SLC35F3: variants seen among roughly 807,000 people sequenced by gnomAD.
SLC35F3 encodes the protein solute carrier family 35 member F3.
SLC35F3 carries 25 observed loss-of-function variants against 49.9 expected under a neutral mutation model. The ratio of observed to expected loss-of-function variants is 0.50; its 90% CI spans 0.37 to 0.70. The LOEUF (loss-of-function observed/expected upper bound fraction) is 0.70, where lower values mean the gene tolerates loss of function less well. SLC35F3 is among the 30% of genes least tolerant of loss of function. SLC35F3 has a pLI of 0.00. For missense variants in SLC35F3, 525 were observed against 639.8 expected (o/e 0.82, Z 1.94); for synonymous variants, 275 against 265.4 (o/e 1.04, Z -0.35).
rs1657659010 is a variant in SLC35F3, at chr1:234,322,859, G to A, written c.1238-149G>A. 8 of 676,322 alleles carry A rather than the reference G, an allele frequency of 1.2e-5. No individual in the cohort carries two copies. In the East Asian group the frequency reaches 2.2e-4, roughly 18 times the overall value. The allele number at this position is 676,322 out of a possible 1,614,324, so 41.9% of individuals were successfully genotyped here. ...TACTAGAGGTAACCCCAGCCCACCT[G>A]GAACAAAATCATACTGAGGAGAATC... On this transcript the variant is annotated intron_variant, in intron 7 of 7. Coordinates refer to ENST00000366618, the MANE Select transcript of SLC35F3 (RefSeq NM_173508.4).
intron 2 of SLC35F3, among the ~76,000 whole-genome samples, chr1:234,061,728 A>G (rs935893501): frequency 6.6e-6 from 1 of 152,074 alleles, no homozygotes; most frequent in Non-Finnish European, 1.5e-5. Context: ...CTGCCAGTTT[A>G]AATCCACTGT....
chr1:234,238,094 G>A (rs80061400), intron 3 of SLC35F3, among the ~76,000 whole-genome samples: 1 of 152,150 alleles, frequency 6.6e-6, no homozygotes, highest in Non-Finnish European at 1.5e-5. Flanking sequence ...GTTTGTTTGT[G>A]TGTTTATTTT....
intron 4 of SLC35F3, among the ~76,000 whole-genome samples, chr1:234,310,632 C>A (rs1433005579): frequency 6.6e-6 from 1 of 152,128 alleles, no homozygotes; most frequent in Non-Finnish European, 1.5e-5. Context: ...CCTGGGCCCC[C>A]CTGCCACCCA....
intron 2 of SLC35F3, among the ~76,000 whole-genome samples, chr1:234,054,012 C>CT (rs1664419460): frequency 6.6e-6 from 1 of 152,174 alleles, no homozygotes; most frequent in Admixed American, 6.5e-5. Flanking sequence ...GAGAGATTTG[C>CT]TGTTAGTCTG....
chr1:234,220,264 G>C (rs1048877523), intron 2 of SLC35F3, among the ~76,000 whole-genome samples: 9 of 152,132 alleles, frequency 5.9e-5, no homozygotes, highest in Non-Finnish European at 1.0e-4. Context: ...ATAAGAGACA[G>C]AGTGGATCCA....
intron 3 of SLC35F3, among the ~76,000 whole-genome samples, chr1:234,264,589 C>A (rs181440096): frequency 2.0e-5 from 3 of 152,290 alleles, no homozygotes. Context: ...CTCTGTTACC[C>A]ATGCTGGAGT....
chr1:234,123,083 C>G (rs987838247), intron 2 of SLC35F3, among the ~76,000 whole-genome samples: 2 of 152,210 alleles, frequency 1.3e-5, no homozygotes, highest in African/African-American at 4.8e-5. Context: ...GTACTCCCAC[C>G]AACAGTATAA....
At chr1:234,127,857 T>C (rs1301863660) in intron 2 of SLC35F3, among the ~76,000 whole-genome samples, 1 of 152,122 alleles carries the variant, frequency 6.6e-6, no homozygotes, top group African/African-American at 2.4e-5. Flanking sequence ...AGAGTCAAAG[T>C]AGTATTGTTT....
intron 2 of SLC35F3, among the ~76,000 whole-genome samples, chr1:234,139,985 A>AAAATG (rs1558240057): frequency 5.0e-5 from 7 of 140,334 alleles, no homozygotes; most frequent in African/African-American, 1.8e-4. Flanking sequence ...AAAATAAAAT[A>AAAATG]AAATAAAATA....
At chr1:234,140,668 G>A (rs1169010758) in intron 2 of SLC35F3, among the ~76,000 whole-genome samples, 1 of 152,230 alleles carries the variant, frequency 6.6e-6, no homozygotes, top group East Asian at 1.9e-4. Context: ...AACACTCAGG[G>A]GGATGCTCAT....
At chr1:234,266,422 AG>A (rs766814550) in intron 3 of SLC35F3, among the ~76,000 whole-genome samples, 5 of 152,252 alleles carry the variant, frequency 3.3e-5, no homozygotes, top group Non-Finnish European at 5.9e-5. Context: ...CAAAGCAGAC[AG>A]TATCAGGCGA....
At chr1:234,004,531 T>C (rs573863147) in intron 2 of SLC35F3, among the ~76,000 whole-genome samples, 36 of 152,192 alleles carry the variant, frequency 2.4e-4, no homozygotes, top group African/African-American at 8.4e-4. Context: ...ATTGGAAGTG[T>C]GGAACAAAAT....
At chr1:233,961,086 AG>A (rs1291302989) in intron 2 of SLC35F3, among the ~76,000 whole-genome samples, 1 of 152,126 alleles carries the variant, frequency 6.6e-6, no homozygotes, top group Non-Finnish European at 1.5e-5. Context: ...TTATGAGAGA[AG>A]GATGTTGGAT....
intron 3 of SLC35F3, among the ~76,000 whole-genome samples, chr1:234,267,320 T>TC (rs1417337355): frequency 1.5e-5 from 2 of 136,014 alleles, no homozygotes; most frequent in African/African-American, 2.9e-5. Flanking sequence ...CTCAATTTTT[T>TC]CCCCACCCTT....
At chr1:234,192,150 T>TA (rs528814454) in intron 2 of SLC35F3, among the ~76,000 whole-genome samples, 1 of 151,572 alleles carries the variant, frequency 6.6e-6, no homozygotes, top group Non-Finnish European at 1.5e-5. Flanking sequence ...AAGGACATAA[T>TA]AAAAAAAGAA....
chr1:233,914,521 G>T (rs140259960), intron 2 of SLC35F3, among the ~76,000 whole-genome samples: 1 of 152,316 alleles, frequency 6.6e-6, no homozygotes, highest in Admixed American at 6.5e-5. Context: ...GCAACTACAG[G>T]CTCCTTTCTG....
At chr1:233,980,982 G>C (rs1036264121) in intron 2 of SLC35F3, among the ~76,000 whole-genome samples, 2 of 152,066 alleles carry the variant, frequency 1.3e-5, no homozygotes, top group Non-Finnish European at 2.9e-5. Context: ...GTTCATTTTT[G>C]TCCTCCTAAC....
Position 234,320,163 on chromosome 1 carries a change from G to C in SLC35F3, c.1213G>C (p.Val405Leu). The C allele has an allele frequency of 6.2e-7, 1 of 1,613,654 alleles. No individual in the cohort carries two copies. Among genetic ancestry groups the C allele is most frequent in the Non-Finnish European group, 8.5e-7 (1 of 1,179,734 alleles). Reference protein sequence around the residue: ...TYPTLMSLGIVLSIPVNAVID... With the variant: ...TYPTLMSLGILLSIPVNAVID... ...TCCCACTCTGATGTCTCTTGGAATC[G>C]TCCTCAGCATACCTGTGAATGCAGG... is the stretch of plus-strand genomic sequence containing the variant. Residue 405 changes from valine to leucine, a missense_variant, in exon 7 of 8, where the codon GTC becomes CTC. Physicochemically the swap from Val to Leu is conservative, Grantham distance 32 (BLOSUM62 1). Transcript: ENST00000366618. This position sits in a 1 kb window ranked among gnomAD's most constrained non-coding sequence, Gnocchi z 4.8.
intron 2 of SLC35F3, among the ~76,000 whole-genome samples, chr1:234,071,216 G>A (rs965500989): frequency 6.6e-6 from 1 of 152,212 alleles, no homozygotes; most frequent in African/African-American, 2.4e-5. Flanking sequence ...CCTGCTGGGG[G>A]TCAGGTGCTA....
Sources: gnomAD v4.1 joint callset for allele counts (sites outside exome capture counted in the v4.1 genomes callset) on GRCh38, gnomAD v4.1.1 for gene constraint, Gnocchi (gnomAD v3.1) non-coding constraint, MANE v1.5 for transcripts, NCBI Gene and HGNC (gene_info 2026-07-23, HGNC 2026-07-21) for gene names.